CFAP47: variants seen among roughly 807,000 people sequenced by gnomAD.
The protein encoded by CFAP47 is cilia and flagella associated protein 47.
Under a neutral mutation model 148.1 loss-of-function variants are expected in CFAP47, and 29 were observed. The observed-to-expected ratio is 0.20, with a 90% CI of 0.15 to 0.27. The LOEUF is 0.27. CFAP47 is among the 10% of genes least tolerant of loss of function. The pLI, the probability that CFAP47 is intolerant of heterozygous loss-of-function variation, is 1.00. For synonymous variants in CFAP47, 664 were observed against 577.3 expected (o/e 1.15, Z -2.15); for missense variants, 1,872 against 1,697.5 (o/e 1.10, Z -1.81).
intron 3 of CFAP47, among the ~76,000 whole-genome samples, chrX:35,945,089 C>T (rs1936065723): frequency 9.0e-6 from 1 of 111,565 alleles, no homozygotes; most frequent in African/African-American, 3.3e-5. Context: ...TTAGTTGCAT[C>T]ATTTACTATC....
At chrX:36,028,051 T>C (rs1481737453) in intron 22 of CFAP47, among the ~76,000 whole-genome samples, 1 of 112,015 alleles carries the variant, frequency 8.9e-6, no homozygotes, top group African/African-American at 3.2e-5. Context: ...AGATTCTGGA[T>C]ATTAGTCCTT....
In CFAP47 at chrX:35,948,336, C is replaced by T. The variant is rs151267574; in HGVS notation, c.540C>T (p.His180=). Residue 180 remains histidine (H), a synonymous_variant, in exon 4 of 64, where the codon CAC becomes CAT. Transcript: ENST00000378653. ...KAPGIFKAEY[H]GQLPILIFPT... ...TAGGCATATTTAAGGCAGAATACCA[C>T]GGCCAATTACCCATCCTCATTTTTC... is the stretch of plus-strand genomic sequence containing the variant. 1,432 of 1,200,619 alleles carry T rather than the reference C, an allele frequency of 1.2e-3. No individual in the cohort carries two copies. The highest frequency in any genetic ancestry group is 1.4e-3 in the Non-Finnish European group (1,215 of 887,493).
At chrX:36,161,014 A>T (rs1441687931) in intron 39 of CFAP47, among the ~76,000 whole-genome samples, 1 of 109,220 alleles carries the variant, frequency 9.2e-6, no homozygotes, top group East Asian at 2.9e-4. Flanking sequence ...CACCCAGCTA[A>T]TTTTTGTATT....
chrX:36,349,910 A>T, intron 58 of CFAP47, 128 bp from the exon 59 acceptor site: 1 of 360,974 alleles, frequency 2.8e-6, no homozygotes, highest in Non-Finnish European at 4.9e-6. Context: ...TTCTTTCATC[A>T]GTTGCTCTCT....
intron 50 of CFAP47, among the ~76,000 whole-genome samples, chrX:36,284,727 G>A (rs896550874): frequency 9.0e-6 from 1 of 111,414 alleles, no homozygotes; most frequent in East Asian, 2.8e-4. Context: ...GGAAACTGAG[G>A]CCCAAAGAGG....
chrX:36,171,427 T>G (rs1939577412), intron 39 of CFAP47, among the ~76,000 whole-genome samples: 1 of 109,390 alleles, frequency 9.1e-6, no homozygotes, highest in Non-Finnish European at 1.9e-5. Context: ...TGTTATGGTT[T>G]TAGGTCTAAC....
intron 8 of CFAP47, 99 bp from the exon 9 acceptor site, chrX:35,966,466 C>G: frequency 4.0e-6 from 2 of 500,162 alleles, no homozygotes; most frequent in Non-Finnish European, 5.7e-6. Flanking sequence ...TATGAGCTAG[C>G]TTTCCTTGAA....
At chrX:36,022,731 T>G (rs1937173732) in intron 22 of CFAP47, among the ~76,000 whole-genome samples, 1 of 111,168 alleles carries the variant, frequency 9.0e-6, no homozygotes, top group South Asian at 3.7e-4. Flanking sequence ...CACTGGTTCT[T>G]TATTCTGCTT....
chrX:36,291,965 A>G (rs1382021815), intron 51 of CFAP47, among the ~76,000 whole-genome samples: 1 of 111,215 alleles, frequency 9.0e-6, no homozygotes, highest in Non-Finnish European at 1.9e-5. Context: ...GGTCCTTGCA[A>G]TTAGAAATAT....
intron 29 of CFAP47, among the ~76,000 whole-genome samples, chrX:36,083,371 G>C (rs756759868): frequency 9.1e-6 from 1 of 109,830 alleles, no homozygotes; most frequent in Non-Finnish European, 1.9e-5. Flanking sequence ...CATATATATA[G>C]CATAGCATGC....
intron 57 of CFAP47, among the ~76,000 whole-genome samples, chrX:36,336,202 G>GTCTGTCTC (rs2010117064): frequency 9.9e-6 from 1 of 101,175 alleles, no homozygotes; most frequent in Non-Finnish European, 2.0e-5. Context: ...CTGTCTGTCT[G>GTCTGTCTC]TCTGTCTCTC....
At chrX:36,274,864 A>G (rs375227666) in intron 49 of CFAP47, among the ~76,000 whole-genome samples, 9 of 111,475 alleles carry the variant, frequency 8.1e-5, no homozygotes, top group African/African-American at 2.9e-4. Context: ...ACCCAGTACT[A>G]TATTGGATAG....
At chrX:36,377,926 G>A (rs971710421) in intron 62 of CFAP47, among the ~76,000 whole-genome samples, 1 of 111,627 alleles carries the variant, frequency 9.0e-6, no homozygotes, top group Non-Finnish European at 1.9e-5. Context: ...TAAATTGCCC[G>A]AAGTCATCCA....
chrX:36,246,651 A>G (rs1555997071), intron 48 of CFAP47, among the ~76,000 whole-genome samples: 1 of 111,577 alleles, frequency 9.0e-6, no homozygotes, highest in Non-Finnish European at 1.9e-5. Context: ...CCCGGTTTTG[A>G]TACGTGGGGA....
At position 35,971,602 on chromosome X, in the gene CFAP47, T is replaced by C. The variant is rs1936491698; in HGVS notation, c.1987T>C (p.Tyr663His). 2 of 1,156,691 alleles carry C rather than the reference T, an allele frequency of 1.7e-6. No homozygotes were observed. The highest frequency in any genetic ancestry group is 2.3e-6 in the Non-Finnish European group (2 of 863,172). Residue 663 changes from tyrosine (Y) to histidine (H), a missense_variant, in exon 12 of 64, where the codon TAT (tyrosine) becomes CAT (histidine). Physicochemically the swap from Tyr to His is moderately conservative, Grantham distance 83. Coordinates refer to ENST00000378653, the MANE Select transcript of CFAP47 (RefSeq NM_001304548.2). ...KQAERERMYSYDDTDIGLEPG... is the reference protein window; with the variant it reads ...KQAERERMYSHDDTDIGLEPG... ...ATTTTATAGGGAGCGCATGTATTCA[T>C]ATGATGATACAGACATAGGCTTAGA...
chrX:36,143,849 C>T (rs1467450755), intron 35 of CFAP47, among the ~76,000 whole-genome samples: 2 of 111,499 alleles, frequency 1.8e-5, no homozygotes, highest in African/African-American at 6.5e-5. Context: ...AAAAGTACTT[C>T]TTCAACTGCC....
At chrX:36,374,805 T>G (rs1192766449) in intron 62 of CFAP47, 1 of 985,105 alleles carries the variant, frequency 1.0e-6, no homozygotes, top group African/African-American at 1.9e-5. Context: ...AGAAAAAGAA[T>G]CCCAGGATTT....
At chrX:36,311,077 A>C (rs1384738785) in intron 56 of CFAP47, 88 bp downstream of exon 56, 1 of 519,148 alleles carries the variant, frequency 1.9e-6, no homozygotes, top group Non-Finnish European at 2.9e-6. Context: ...TTTAGAACAA[A>C]TGAATACTTT....
chrX:36,372,040 G>GTA (rs369542665), intron 62 of CFAP47, among the ~76,000 whole-genome samples: 2,043 of 102,058 alleles, frequency 0.02, 31 homozygotes, highest in Non-Finnish European at 0.031. Context: ...ATGTGTGTGT[G>GTA]TATATATATA....
Sources: allele counts gnomAD v4.1 joint callset (sites outside exome capture counted in the v4.1 genomes callset), GRCh38; gene constraint gnomAD v4.1.1; transcripts MANE v1.5; gene names NCBI Gene and HGNC (gene_info 2026-07-23, HGNC 2026-07-21).